Variants in RAB2A observed in about 807,000 individuals in gnomAD.
RAB2A encodes the protein RAB2A, member RAS oncogene family, also known as ras-related protein Rab-2A.
A neutral mutation model predicts 32.5 loss-of-function variants in RAB2A; 7 were observed. The observed-to-expected ratio is 0.22, with a 90% confidence interval of 0.12 to 0.40. The LOEUF (loss-of-function observed/expected upper bound fraction) is 0.40, where lower values mean the gene tolerates loss of function less well. Among genes scored for constraint, RAB2A ranks in the 10% least tolerant of loss-of-function variants. RAB2A has a pLI of 1.00. For synonymous variants in RAB2A, 79 were observed against 85.2 expected, an observed-to-expected ratio of 0.93 and a Z score of 0.40; for missense variants, 108 against 260.7, an observed-to-expected ratio of 0.41 and a Z score of 4.03.
chr8:60,583,020 C>T (rs563819734), intron 3 of RAB2A, among the ~76,000 whole-genome samples: 1 of 148,728 alleles, frequency 6.7e-6, no homozygotes, highest in African/African-American at 2.5e-5. Context: ...GCCTAGCACA[C>T]ACTTAGTCAC....
intron 1 of RAB2A, among the ~76,000 whole-genome samples, chr8:60,550,139 C>T (rs1807823202): frequency 6.6e-6 from 1 of 152,200 alleles, no homozygotes. Flanking sequence ...CAAACTGGAA[C>T]TGATGATCTG....
chr8:60,592,177 C>T (rs1035940738), intron 6 of RAB2A: 9 of 349,722 alleles, frequency 2.6e-5, no homozygotes, highest in Non-Finnish European at 4.3e-5. Flanking sequence ...TGAATGTTTT[C>T]TTACATTTTT....
chr8:60,557,162 CTG>C (rs893667687), intron 1 of RAB2A, among the ~76,000 whole-genome samples: 1 of 152,080 alleles, frequency 6.6e-6, no homozygotes, highest in African/African-American at 2.4e-5. Flanking sequence ...AAGAAGAAAA[CTG>C]TAAGATCACA....
chr8:60,620,943 A>G lies in RAB2A; in HGVS notation c.*174A>G. 5.4e-6 allele frequency: 3 copies of G among 556,014 alleles called. No individual in the cohort carries two copies. Among genetic ancestry groups the G allele is most frequent in the Non-Finnish European group, 9.3e-6 (3 of 322,554 alleles). 34.4% of individuals were successfully genotyped at this position (556,014 alleles called of 1,614,324 possible). Reference sequence around the variant, plus strand: ...TAAATGGTTAATGTTCACTTAAAAGACAGATTTTGGAGATTGTATTCATAT... The same window carrying G: ...TAAATGGTTAATGTTCACTTAAAAGGCAGATTTTGGAGATTGTATTCATAT... On this transcript the variant is annotated 3_prime_UTR_variant, in exon 8 of 8. Transcript: ENST00000262646.
intron 6 of RAB2A, among the ~76,000 whole-genome samples, chr8:60,597,204 A>G (rs1160849412): frequency 2.0e-5 from 3 of 152,212 alleles, no homozygotes; most frequent in African/African-American, 7.2e-5. Context: ...AATGCCCATC[A>G]GTGATAGACT....
chr8:60,615,682 C>T (rs193081861), intron 6 of RAB2A, among the ~76,000 whole-genome samples: 31 of 152,162 alleles, frequency 2.0e-4, no homozygotes, highest in Admixed American at 1.7e-3. Context: ...CTCTCATAAG[C>T]CTTACTAGTA....
chr8:60,520,647 TGA>T (rs1807287059), intron 1 of RAB2A, among the ~76,000 whole-genome samples: 2 of 152,220 alleles, frequency 1.3e-5, no homozygotes, highest in African/African-American at 4.8e-5. Flanking sequence ...TCCATTCTTT[TGA>T]GAGTTTAACA....
chr8:60,598,496 A>G (rs1398314640), intron 6 of RAB2A, among the ~76,000 whole-genome samples: 1 of 152,164 alleles, frequency 6.6e-6, no homozygotes, highest in Non-Finnish European at 1.5e-5. Context: ...ACTCCTCAAC[A>G]AAATACCAGA....
At chr8:60,590,962 G>GGT (rs1427847509) in intron 5 of RAB2A, among the ~76,000 whole-genome samples, 14 of 152,032 alleles carry the variant, frequency 9.2e-5, no homozygotes, top group African/African-American at 3.4e-4. Context: ...GAGACACACA[G>GGT]GTGGTGATTC....
At chr8:60,521,314 T>C (rs1412746299) in intron 1 of RAB2A, among the ~76,000 whole-genome samples, 1 of 152,158 alleles carries the variant, frequency 6.6e-6, no homozygotes, top group Non-Finnish European at 1.5e-5. Flanking sequence ...GTCTGGTATG[T>C]AGTTGAAAGT....
chr8:60,584,707 T>A lies in RAB2A; in HGVS notation c.270-16T>A. On this transcript the variant is annotated splice_polypyrimidine_tract_variant and intron_variant, in intron 4 of 7. Transcript: ENST00000262646. ...AATGCTTTGAACATAGTAATTAAAT[T>A]ATTATTTATGTTTAGGAGAGATACA... 1 of 1,579,202 alleles carries A rather than the reference T, an allele frequency of 6.3e-7. No individual in the cohort carries two copies. Among genetic ancestry groups the A allele is most frequent in the Non-Finnish European group, 8.7e-7 (1 of 1,152,236 alleles).
intron 6 of RAB2A, among the ~76,000 whole-genome samples, chr8:60,602,414 A>G (rs1309851495): frequency 6.6e-6 from 1 of 152,258 alleles, no homozygotes; most frequent in African/African-American, 2.4e-5. Context: ...AATATCTAAT[A>G]TAAAGTCTTA....
intron 6 of RAB2A, among the ~76,000 whole-genome samples, chr8:60,598,345 T>A (rs755127491): frequency 2.0e-5 from 3 of 152,142 alleles, no homozygotes; most frequent in Non-Finnish European, 2.9e-5. Context: ...GAACACCAAT[T>A]CTAGACCATC....
chr8:60,537,267 G>T (rs576429963), intron 1 of RAB2A, among the ~76,000 whole-genome samples: 1 of 152,074 alleles, frequency 6.6e-6, no homozygotes, highest in Non-Finnish European at 1.5e-5. Context: ...TGTTGCCTGG[G>T]CTGGAGTCTA....
At chr8:60,583,885 C>T (rs1391363952) in intron 3 of RAB2A, among the ~76,000 whole-genome samples, 3 of 152,152 alleles carry the variant, frequency 2.0e-5, no homozygotes, top group African/African-American at 7.2e-5. Context: ...GGAGTCCATT[C>T]TGTCCTTTAA....
intron 6 of RAB2A, among the ~76,000 whole-genome samples, chr8:60,610,982 C>G (rs192704790): frequency 6.6e-6 from 1 of 152,308 alleles, no homozygotes; most frequent in East Asian, 1.9e-4. Flanking sequence ...TAATTTATCT[C>G]AATTCATGGT....
At chr8:60,602,983 A>G (rs1387260381) in intron 6 of RAB2A, among the ~76,000 whole-genome samples, 1 of 152,152 alleles carries the variant, frequency 6.6e-6, no homozygotes, top group African/African-American at 2.4e-5. Context: ...ACTCTCTTCT[A>G]TGAGAGCTGA....
rs560159006 is a variant in RAB2A at position 60,620,527 on chromosome 8, T to C, written c.544-147T>C. 56 of 631,524 alleles carry C rather than the reference T, an allele frequency of 8.9e-5. 1 individual carries two copies. Among genetic ancestry groups the C allele is most frequent in the African/African-American group, 4.2e-4 (23 of 54,288 alleles). 39.1% of individuals were successfully genotyped at this position (631,524 alleles called of 1,614,324 possible). A position where few individuals can be genotyped will look rare whatever the true frequency, so the allele number is the denominator to read the frequency against. On this transcript the variant is annotated intron_variant, in intron 7 of 7. Coordinates refer to ENST00000262646, the MANE Select transcript of RAB2A (RefSeq NM_002865.3). The stretch of plus-strand genomic sequence containing the variant: ...AGGAAGGAACATCCCTTAGGAGATA[T>C]TGTTTTAATTGTTGCTAAAATCTAC...
At chr8:60,566,568 T>C (rs1808117289) in intron 2 of RAB2A, among the ~76,000 whole-genome samples, 1 of 152,236 alleles carries the variant, frequency 6.6e-6, no homozygotes, top group African/African-American at 2.4e-5. Flanking sequence ...ACTATAAATT[T>C]GCATTCTATT....
Sources: allele counts gnomAD v4.1 joint callset (sites outside exome capture counted in the v4.1 genomes callset), GRCh38; gene constraint gnomAD v4.1.1; transcripts MANE v1.5; gene names NCBI Gene and HGNC (gene_info 2026-07-23, HGNC 2026-07-21).